The following PAK3 variants were observed in gnomAD, a reference collection of about 807,000 sequenced individuals.
PAK3 encodes serine/threonine-protein kinase PAK 3.
Under a neutral mutation model 41.0 loss-of-function variants are expected in PAK3, and 4 were observed. The ratio of observed to expected loss-of-function variants is 0.10; its 90% CI spans 0.05 to 0.22. The LOEUF is 0.22. PAK3 is among the 10% of genes least tolerant of loss of function. PAK3 has a pLI of 1.00. For synonymous variants in PAK3, 146 were observed against 139.6 expected (o/e 1.05, Z -0.32); for missense variants, 205 against 409.9 (o/e 0.50, Z 4.32).
intron 11 of PAK3, among the ~76,000 whole-genome samples, chrX:111,176,465 C>G (rs779200511): frequency 9.0e-6 from 1 of 110,633 alleles, no homozygotes; most frequent in Admixed American, 9.7e-5. Context: ...AATAAACCTG[C>G]ACGTCCTGCA....
At chrX:111,096,652 G>C (rs1314324289) in intron 1 of PAK3, 4 of 110,860 alleles carry the variant, frequency 3.6e-5, no homozygotes, top group Non-Finnish European at 7.6e-5. Flanking sequence ...GAGGGCCGGG[G>C]CTCCTTCGCT....
chrX:110,945,529 C>T (rs1008550750), intron 1 of PAK3, among the ~76,000 whole-genome samples: 1 of 111,880 alleles, frequency 8.9e-6, no homozygotes, highest in South Asian at 3.7e-4. Flanking sequence ...AGGGTTTCCT[C>T]TCTCAGCCAA....
chrX:111,190,009 A>C (rs866105454), intron 11 of PAK3, among the ~76,000 whole-genome samples: 40 of 112,117 alleles, frequency 3.6e-4, no homozygotes, highest in African/African-American at 1.3e-3. Flanking sequence ...TTGTTCATTC[A>C]ACAAATATTT....
intron 8 of PAK3, among the ~76,000 whole-genome samples, chrX:111,158,066 C>G (rs976135122): frequency 9.0e-6 from 1 of 111,641 alleles, no homozygotes; most frequent in African/African-American, 3.3e-5. Context: ...AAAAGCATTA[C>G]TTTGATAAAG....
At chrX:111,078,680 C>G (rs183898668) in intron 1 of PAK3, among the ~76,000 whole-genome samples, 1 of 110,883 alleles carries the variant, frequency 9.0e-6, no homozygotes, top group East Asian at 2.9e-4. Flanking sequence ...AAGGAAGAGC[C>G]GCATGTCTCT....
At chrX:110,960,687 G>T (rs1257087893) in intron 1 of PAK3, among the ~76,000 whole-genome samples, 1 of 111,312 alleles carries the variant, frequency 9.0e-6, no homozygotes, top group Non-Finnish European at 1.9e-5. Context: ...TTTATTTGAA[G>T]TTTCCTTGAT....
At chrX:111,059,214 A>G (rs1409841850) in intron 1 of PAK3, among the ~76,000 whole-genome samples, 1 of 103,850 alleles carries the variant, frequency 9.6e-6, no homozygotes. Flanking sequence ...TTTGTCACCG[A>G]GGCTGGAGTG....
intron 1 of PAK3, among the ~76,000 whole-genome samples, chrX:110,963,680 T>C (rs939973861): frequency 3.6e-5 from 4 of 112,583 alleles, no homozygotes; most frequent in African/African-American, 1.3e-4. Flanking sequence ...CATCAGGTTC[T>C]AGTGCTGATT....
At chrX:111,196,249 G>A (rs1466798541) in intron 15 of PAK3, among the ~76,000 whole-genome samples, 195 bp from the exon 16 acceptor site, 2 of 112,053 alleles carry the variant, frequency 1.8e-5, no homozygotes, top group Non-Finnish European at 3.8e-5. Context: ...TAGTAAAAAT[G>A]ACATCACGTT....
At chrX:110,957,822 A>G in intron 1 of PAK3, among the ~76,000 whole-genome samples, 1 of 111,769 alleles carries the variant, frequency 8.9e-6, no homozygotes, top group East Asian at 2.8e-4. Context: ...CATGTTGATT[A>G]CCTACTATAT....
intron 11 of PAK3, among the ~76,000 whole-genome samples, chrX:111,174,877 A>G (rs1367736235): frequency 9.0e-6 from 1 of 111,345 alleles, no homozygotes; most frequent in Non-Finnish European, 1.9e-5. Flanking sequence ...CCTAGAGGCA[A>G]GCTTACTCAA....
intron 1 of PAK3, among the ~76,000 whole-genome samples, chrX:111,080,263 T>C (rs186375215): frequency 1.6e-3 from 176 of 111,624 alleles, no homozygotes; most frequent in African/African-American, 5.5e-3. Context: ...GGCAAACTTC[T>C]CTGTTGCCTT....
intron 1 of PAK3, among the ~76,000 whole-genome samples, chrX:110,955,463 A>G (rs2090836102): frequency 9.0e-6 from 1 of 111,403 alleles, no homozygotes; most frequent in Admixed American, 9.5e-5. Flanking sequence ...ATGAGAGTCA[A>G]TAGGCATCAA....
intron 1 of PAK3, among the ~76,000 whole-genome samples, chrX:111,024,110 A>T (rs1298249895): frequency 8.9e-6 from 1 of 111,973 alleles, no homozygotes; most frequent in Non-Finnish European, 1.9e-5. Context: ...CTTTCTGCAT[A>T]TGGCTAGCCA....
intron 11 of PAK3, among the ~76,000 whole-genome samples, chrX:111,182,366 A>G (rs1365263878): frequency 9.0e-6 from 1 of 110,573 alleles, no homozygotes; most frequent in Admixed American, 9.7e-5. Context: ...GATGACCGTG[A>G]ATACTCTGAG....
At chrX:111,000,515 G>A (rs1275517246) in intron 1 of PAK3, among the ~76,000 whole-genome samples, 2 of 111,994 alleles carry the variant, frequency 1.8e-5, no homozygotes, top group African/African-American at 6.5e-5. Context: ...ATGAGGCATG[G>A]CAACTAAATA....
At chrX:110,988,748 A>G (rs1397703043) in intron 1 of PAK3, among the ~76,000 whole-genome samples, 1 of 111,909 alleles carries the variant, frequency 8.9e-6, no homozygotes, top group Non-Finnish European at 1.9e-5. Context: ...CTCTAATTAG[A>G]ATCAGTTCTA....
intron 1 of PAK3, among the ~76,000 whole-genome samples, chrX:111,003,803 G>A (rs993603896): frequency 2.7e-5 from 3 of 111,577 alleles, no homozygotes; most frequent in African/African-American, 9.8e-5. Flanking sequence ...AACACTTGAA[G>A]GAATGAAAAT....
intron 1 of PAK3, among the ~76,000 whole-genome samples, chrX:110,977,058 G>A (rs186061303): frequency 6.3e-5 from 7 of 110,458 alleles, no homozygotes; most frequent in African/African-American, 2.0e-4. Flanking sequence ...GTATACCTAC[G>A]TATCAAACCT....
Sources: gnomAD v4.1 joint callset for allele counts (sites outside exome capture counted in the v4.1 genomes callset) on GRCh38, gnomAD v4.1.1 for gene constraint, MANE v1.5 for transcripts, NCBI Gene and HGNC (gene_info 2026-07-23, HGNC 2026-07-21) for gene names.